Variants in MSRB3 observed in about 807,000 individuals in gnomAD.
MSRB3 encodes the protein methionine-R-sulfoxide reductase B3.
Under a neutral mutation model 21.0 loss-of-function variants are expected in MSRB3, and 13 were observed. The ratio of observed to expected loss-of-function variants is 0.62; its 90% CI spans 0.40 to 0.98. The LOEUF (loss-of-function observed/expected upper bound fraction) is 0.98. MSRB3 is among the 50% of genes least tolerant of loss of function. MSRB3 has a pLI of 0.00. For missense variants in MSRB3, 199 were observed against 230.3 expected, an observed-to-expected ratio of 0.86 and a Z score of 0.88; for synonymous variants, 87 against 88.6, an observed-to-expected ratio of 0.98 and a Z score of 0.10.
intron 5 of MSRB3, among the ~76,000 whole-genome samples, chr12:65,446,686 G>T (rs1161314052): frequency 4.6e-5 from 7 of 152,034 alleles, no homozygotes; most frequent in Admixed American, 4.6e-4. Context: ...GAGAATTGGA[G>T]TGGGGTAGGG....
At chr12:65,362,103 C>G (rs930372601) in intron 4 of MSRB3, among the ~76,000 whole-genome samples, 1 of 152,114 alleles carries the variant, frequency 6.6e-6, no homozygotes, top group Admixed American at 6.6e-5. Context: ...CCAGACCCTA[C>G]TATCTAATTC....
chr12:65,418,905 C>T (rs1282364457), intron 5 of MSRB3: 1 of 734,458 alleles, frequency 1.4e-6, no homozygotes, highest in Non-Finnish European at 2.4e-6. Flanking sequence ...CCAGCTTGAC[C>T]TTAATGTTCA....
chr12:65,393,429 C>G (rs1440733418), intron 5 of MSRB3, among the ~76,000 whole-genome samples: 5 of 151,900 alleles, frequency 3.3e-5, no homozygotes, highest in Non-Finnish European at 7.4e-5. Flanking sequence ...GTCAGGGGAT[C>G]AAGACCATCC....
intron 5 of MSRB3, among the ~76,000 whole-genome samples, chr12:65,371,927 A>G (rs1158710076): frequency 6.6e-6 from 1 of 152,200 alleles, no homozygotes; most frequent in Non-Finnish European, 1.5e-5. Flanking sequence ...AATTTCAACC[A>G]TGTATAAAAG....
chr12:65,354,494 C>A (rs1278913635), intron 4 of MSRB3, among the ~76,000 whole-genome samples: 2 of 151,926 alleles, frequency 1.3e-5, no homozygotes, highest in Non-Finnish European at 2.9e-5. Flanking sequence ...TCACTGATAA[C>A]CCTTTCTTCC....
intron 2 of MSRB3, among the ~76,000 whole-genome samples, chr12:65,324,308 A>G (rs1211594370): frequency 1.3e-5 from 2 of 152,184 alleles, no homozygotes; most frequent in East Asian, 3.8e-4. Flanking sequence ...CTGGAATGAA[A>G]TCTTTATTCC....
At chr12:65,281,095 G>C (rs1022893147) in intron 1 of MSRB3, among the ~76,000 whole-genome samples, 11 of 152,122 alleles carry the variant, frequency 7.2e-5, no homozygotes, top group African/African-American at 2.7e-4. Context: ...TGGGCATAGT[G>C]GCTCACTCCT....
chr12:65,380,152 G>A (rs985966792), intron 5 of MSRB3, among the ~76,000 whole-genome samples: 2 of 152,100 alleles, frequency 1.3e-5, no homozygotes, highest in African/African-American at 4.8e-5. Context: ...ATAATCAAGG[G>A]TAGAATATGG....
chr12:65,423,691 T>G (rs1881437651), intron 5 of MSRB3, among the ~76,000 whole-genome samples: 1 of 152,210 alleles, frequency 6.6e-6, no homozygotes, highest in Non-Finnish European at 1.5e-5. Context: ...AAAATCTCAC[T>G]TGGTCATGAT....
At position 65,369,010 on chromosome 12, in the gene MSRB3, A is replaced by G; in HGVS notation, c.276A>G (p.Lys92=). Residue 92 remains lysine, a synonymous_variant, in exon 5 of 7, where the codon AAA becomes AAG. Coordinates refer to ENST00000308259, the MANE Select transcript of MSRB3 (RefSeq NM_001031679.3). ...TTTCTCTTTGCAGGTCAGAAACCAA[A>G]TTTGACTCCGGTTCAGGTATGTTTA... ...CGTPLFKSET[K]FDSGSGWPSF... 6.6e-7 allele frequency: 1 copy of G among 1,518,224 alleles called. No individual in the cohort carries two copies. Among genetic ancestry groups the G allele is most frequent in the Non-Finnish European group, 8.9e-7 (1 of 1,119,304 alleles). 94.0% of individuals were successfully genotyped at this position (1,518,224 alleles called of 1,614,324 possible).
chr12:65,394,022 ATACTC>A (rs1349416649), intron 5 of MSRB3, among the ~76,000 whole-genome samples: 1 of 152,142 alleles, frequency 6.6e-6, no homozygotes, highest in Non-Finnish European at 1.5e-5. Context: ...AAATTACTCT[ATACTC>A]TAAGTAGGAA....
rs1026833082 is a variant in MSRB3, at chr12:65,453,807, G to A, written c.372G>A (p.Val124=). 1.2e-6 allele frequency: 2 copies of A among 1,613,842 alleles called. No individual in the cohort carries two copies. The highest frequency in any genetic ancestry group is 1.7e-5 in the Admixed American group (1 of 59,986). ...TDDFSYGMHR[V]ETSCSQCGAH... is the part of the protein sequence containing the mutation. Reference sequence around the variant, plus strand: ...ACTTTTCCTATGGGATGCACAGGGTGGAAACAAGCTGCTCTCAGGTGAGTT... The same window carrying A: ...ACTTTTCCTATGGGATGCACAGGGTAGAAACAAGCTGCTCTCAGGTGAGTT... The change falls in exon 6 of 7, where the codon GTG becomes GTA. Residue 124 remains valine, a synonymous_variant. Transcript: ENST00000308259.
Position 65,297,879 on chromosome 12 carries a change from T to C in MSRB3, c.-51-10650T>C, listed in dbSNP as rs138010945. On this transcript the variant is annotated intron_variant, in intron 1 of 6. Transcript: ENST00000308259. ...AGATGGGAGATGAAAGGGATGTATT[T>C]GAGCAGTATCTTGGAAATAAAATTG... is the stretch of plus-strand genomic sequence containing the variant. Among the ~76,000 whole-genome samples the C allele has an allele frequency of 2.6e-5, 4 of 152,318 alleles. No individual in the cohort carries two copies. In the East Asian group the frequency reaches 7.7e-4, roughly 29 times the overall value.
intron 4 of MSRB3, among the ~76,000 whole-genome samples, chr12:65,336,208 G>A (rs1435559272): frequency 6.6e-6 from 1 of 152,090 alleles, no homozygotes; most frequent in Non-Finnish European, 1.5e-5. Context: ...GAGACAGGGA[G>A]TAAAAACACA....
chr12:65,399,985 G>A (rs537731878), intron 5 of MSRB3, among the ~76,000 whole-genome samples: 99 of 152,300 alleles, frequency 6.5e-4, no homozygotes, highest in African/African-American at 2.3e-3. Flanking sequence ...TTTTTGATGT[G>A]TTGCTGGATT....
intron 5 of MSRB3, among the ~76,000 whole-genome samples, chr12:65,436,430 G>C (rs1882119519): frequency 6.6e-6 from 1 of 151,534 alleles, no homozygotes; most frequent in African/African-American, 2.4e-5. Flanking sequence ...TCAGTATTTT[G>C]ATAGCAGTAT....
intron 4 of MSRB3, among the ~76,000 whole-genome samples, chr12:65,345,861 C>T (rs199597432): frequency 1.3e-5 from 2 of 152,056 alleles, no homozygotes; most frequent in African/African-American, 4.8e-5. Context: ...TGATAGTTTG[C>T]TGAGAATGAT....
At chr12:65,331,867 A>G (rs1371926498) in intron 4 of MSRB3, among the ~76,000 whole-genome samples, 2 of 152,236 alleles carry the variant, frequency 1.3e-5, no homozygotes, top group East Asian at 3.8e-4. Flanking sequence ...AGCTGCCCAC[A>G]TTGCAAAAGC....
chr12:65,439,349 A>G (rs1439815734), intron 5 of MSRB3, among the ~76,000 whole-genome samples: 1 of 151,742 alleles, frequency 6.6e-6, no homozygotes, highest in Non-Finnish European at 1.5e-5. Context: ...GATAACTTTG[A>G]TCTCTCTCTC....
Sources: allele counts gnomAD v4.1 joint callset (sites outside exome capture counted in the v4.1 genomes callset), GRCh38; gene constraint gnomAD v4.1.1; transcripts MANE v1.5; gene names NCBI Gene and HGNC (gene_info 2026-07-23, HGNC 2026-07-21).